EYA2: variants seen among roughly 807,000 people sequenced by gnomAD.
EYA2 encodes the protein protein phosphatase EYA2.
In EYA2, 31 loss-of-function variants were observed where a neutral mutation model predicts 69.2. The ratio of observed to expected loss-of-function variants is 0.45; its 90% CI spans 0.34 to 0.60. The LOEUF (loss-of-function observed/expected upper bound fraction) is 0.60, where lower values mean the gene tolerates loss of function less well. EYA2 is among the 20% of genes least tolerant of loss of function. The pLI, the probability that EYA2 is intolerant of heterozygous loss-of-function variation, is 0.02. For synonymous variants in EYA2, 257 were observed against 279.4 expected (o/e 0.92, Z 0.80); for missense variants, 622 against 701.2 (o/e 0.89, Z 1.28).
At chr20:46,952,594 G>T (rs1367829004) in intron 1 of EYA2, among the ~76,000 whole-genome samples, 1 of 152,206 alleles carries the variant, frequency 6.6e-6, no homozygotes, top group East Asian at 1.9e-4. Context: ...TAAGGAGGGA[G>T]TTGGGCATTT....
chr20:46,997,250 G>T (rs1228392802), intron 2 of EYA2, among the ~76,000 whole-genome samples: 1 of 152,112 alleles, frequency 6.6e-6, no homozygotes, highest in Non-Finnish European at 1.5e-5. Context: ...ATGAGAACAG[G>T]ATAGAACTTA....
At chr20:47,186,259 A>G (rs1217639313) in intron 15 of EYA2, among the ~76,000 whole-genome samples, 1 of 150,996 alleles carries the variant, frequency 6.6e-6, no homozygotes. Context: ...TGCCCCTGGC[A>G]TCTTTATAGA....
At chr20:46,908,251 T>C (rs557957510) in intron 1 of EYA2, among the ~76,000 whole-genome samples, 14 of 152,140 alleles carry the variant, frequency 9.2e-5, no homozygotes, top group Non-Finnish European at 1.5e-4. Context: ...TAAACACATA[T>C]GTATATAAGG....
chr20:47,033,222 C>T (rs962085557), intron 5 of EYA2, among the ~76,000 whole-genome samples: 9 of 152,074 alleles, frequency 5.9e-5, no homozygotes, highest in East Asian at 3.9e-4. Flanking sequence ...AGGCAAATAC[C>T]GAAGCCTACT....
At chr20:46,958,796 T>TG (rs1979296731) in intron 1 of EYA2, among the ~76,000 whole-genome samples, 1 of 152,198 alleles carries the variant, frequency 6.6e-6, no homozygotes, top group Non-Finnish European at 1.5e-5. Flanking sequence ...ATGCAGTACT[T>TG]GGTTTTCTGT....
chr20:46,979,602 A>G (rs1219638016), intron 1 of EYA2: 2 of 151,948 alleles, frequency 1.3e-5, no homozygotes, highest in South Asian at 2.1e-4. Context: ...CTTCCCCTGC[A>G]TAGAGAATAA....
intron 5 of EYA2, among the ~76,000 whole-genome samples, chr20:47,048,335 C>T (rs1002528883): frequency 6.6e-6 from 1 of 152,194 alleles, no homozygotes; most frequent in African/African-American, 2.4e-5. Context: ...ATGGTTATTA[C>T]ATATGAGAAA....
chr20:47,146,371 T>A (rs1231140102), intron 10 of EYA2, among the ~76,000 whole-genome samples: 2 of 152,198 alleles, frequency 1.3e-5, no homozygotes, highest in Non-Finnish European at 2.9e-5. Flanking sequence ...GATTTCTGTG[T>A]ATTTCAAGCT....
chr20:47,187,059 A>AG (rs1018896881), intron 15 of EYA2, among the ~76,000 whole-genome samples: 201 of 40,832 alleles, frequency 4.9e-3, no homozygotes, highest in African/African-American at 0.024. Flanking sequence ...CTCTAAAATT[A>AG]AAAAAAAAAA....
At chr20:46,936,771 C>T (rs1352273495) in intron 1 of EYA2, among the ~76,000 whole-genome samples, 3 of 152,192 alleles carry the variant, frequency 2.0e-5, no homozygotes, top group Non-Finnish European at 2.9e-5. Flanking sequence ...GTCCCGTCCC[C>T]CGCTTTCCCT....
intron 10 of EYA2, among the ~76,000 whole-genome samples, chr20:47,146,311 G>A (rs997447756): frequency 1.3e-5 from 2 of 152,152 alleles, no homozygotes; most frequent in African/African-American, 4.8e-5. Flanking sequence ...TGGAATAGGC[G>A]CCTTGTGGAT....
At chr20:47,134,707 A>G (rs2033419143) in intron 9 of EYA2, among the ~76,000 whole-genome samples, 1 of 152,212 alleles carries the variant, frequency 6.6e-6, no homozygotes, top group Non-Finnish European at 1.5e-5. Context: ...GATAATAAAT[A>G]TTTTAGGATT....
At chr20:46,910,796 A>G (rs904693141) in intron 1 of EYA2, among the ~76,000 whole-genome samples, 4 of 152,256 alleles carry the variant, frequency 2.6e-5, no homozygotes, top group Admixed American at 2.6e-4. Context: ...CATTTAAAAA[A>G]TAGAATGGAG....
rs78164992 is a variant in EYA2 at position 47,133,047 on chromosome 20, G to C, written c.889-10012G>C. ...AAGAATCTTTTGATTATAAGCGACAGAAATTCAATGCACATCAGCTTAGGC... is the reference window on the plus strand; with the variant it reads ...AAGAATCTTTTGATTATAAGCGACACAAATTCAATGCACATCAGCTTAGGC... On this transcript the variant is annotated intron_variant, in intron 9 of 15. Transcript: ENST00000327619. 5.2e-3 allele frequency among the ~76,000 whole-genome samples: 798 copies of C among 152,320 alleles called. 4 individuals are homozygous for C. The highest frequency in any genetic ancestry group is 8.6e-3 in the Non-Finnish European group (583 of 68,034).
At position 47,188,255 on chromosome 20, in the gene EYA2, C is replaced by T. The variant is rs2034687629; in HGVS notation, c.*122C>T. The T allele has an allele frequency of 3.5e-6, 3 of 865,458 alleles. No individual in the cohort carries two copies. Among genetic ancestry groups the T allele is most frequent in the South Asian group, 1.5e-5 (1 of 66,118 alleles). The allele number at this position is 865,458 out of a possible 1,614,324, so 53.6% of individuals were successfully genotyped here. On this transcript the variant is annotated 3_prime_UTR_variant, in exon 16 of 16. Transcript: ENST00000327619. ...CCAGGAAGGGGCCCCACAGCCGAGA[C>T]GACGTGTCCAGTGACCATCTCAGAA... is the stretch of plus-strand genomic sequence containing the variant.
chr20:46,990,686 C>G (rs1010391749), intron 2 of EYA2, among the ~76,000 whole-genome samples: 2 of 152,258 alleles, frequency 1.3e-5, no homozygotes, highest in Non-Finnish European at 1.5e-5. Flanking sequence ...TGTTTCAGAT[C>G]TGTCAGCCTT....
At chr20:46,961,485 A>G (rs948291822) in intron 1 of EYA2, among the ~76,000 whole-genome samples, 1 of 152,224 alleles carries the variant, frequency 6.6e-6, no homozygotes, top group Non-Finnish European at 1.5e-5. Flanking sequence ...AACTAAAAAT[A>G]TAGCTACCAT....
At chr20:47,029,696 G>C (rs1438534195) in intron 5 of EYA2, among the ~76,000 whole-genome samples, 1 of 152,066 alleles carries the variant, frequency 6.6e-6, no homozygotes, top group East Asian at 1.9e-4. Flanking sequence ...CAAGCTCCTT[G>C]CCTACTCACT....
chr20:47,065,048 T>G (rs2031058100), intron 5 of EYA2, among the ~76,000 whole-genome samples: 1 of 152,082 alleles, frequency 6.6e-6, no homozygotes, highest in African/African-American at 2.4e-5. Flanking sequence ...CAAGAGAACA[T>G]GTGCAGGGGA....
Sources: allele counts gnomAD v4.1 joint callset (sites outside exome capture counted in the v4.1 genomes callset), GRCh38; gene constraint gnomAD v4.1.1; transcripts MANE v1.5; gene names NCBI Gene and HGNC (gene_info 2026-07-23, HGNC 2026-07-21).